The following PEX5L variants were observed in gnomAD, a reference collection of about 807,000 sequenced individuals.
PEX5L encodes PEX5-related protein.
A neutral mutation model predicts 84.0 loss-of-function variants in PEX5L; 30 were observed. That is an observed-to-expected ratio of 0.36 (90% confidence interval 0.27 to 0.48). The LOEUF is 0.48. PEX5L is among the 20% of genes least tolerant of loss of function. The pLI is 0.99. For missense variants in PEX5L, 533 were observed against 754.6 expected (o/e 0.71, Z 3.44); for synonymous variants, 270 against 283.1 (o/e 0.95, Z 0.46).
At chr3:179,970,150 A>G (rs1190844776) in intron 2 of PEX5L, among the ~76,000 whole-genome samples, 1 of 152,192 alleles carries the variant, frequency 6.6e-6, no homozygotes, top group Non-Finnish European at 1.5e-5. Context: ...ATAAGAAGAA[A>G]AAAAGAATTT....
rs1054696304 is a variant in PEX5L at position 179,859,048 on chromosome 3, T to G, written c.822+14A>C. On this transcript the variant is annotated intron_variant, in intron 8 of 14. Transcript: ENST00000467460. ...GAGCATGAAACAGAAAAAACTAATTTGAAGAAAAGTTACCTCCACTGCTGC... is the reference window on the plus strand; with the variant it reads ...GAGCATGAAACAGAAAAAACTAATTGGAAGAAAAGTTACCTCCACTGCTGC... 6 of 1,587,474 alleles carry G rather than the reference T, an allele frequency of 3.8e-6. No individual in the cohort carries two copies. The highest frequency in any genetic ancestry group is 4.5e-5 in the East Asian group (2 of 44,738).
intron 8 of PEX5L, among the ~76,000 whole-genome samples, chr3:179,821,758 A>G (rs754446322): frequency 6.6e-5 from 10 of 152,232 alleles, no homozygotes; most frequent in South Asian, 6.2e-4. Context: ...GGCTTTTTCT[A>G]GTAGAATAAC....
chr3:179,913,729 A>T (rs978752248), intron 2 of PEX5L, among the ~76,000 whole-genome samples: 4 of 152,178 alleles, frequency 2.6e-5, no homozygotes, highest in Admixed American at 6.5e-5. Flanking sequence ...TAAAACAAAA[A>T]CTATGTCACA....
At chr3:179,811,898 T>G (rs1416738295) in intron 10 of PEX5L, 27 bp from the exon 11 acceptor site, 16 of 1,577,156 alleles carry the variant, frequency 1.0e-5, no homozygotes, top group Non-Finnish European at 1.4e-5. Flanking sequence ...ATGTTAACAT[T>G]GCAAGATGAA....
chr3:179,940,333 GGT>G (rs142452498), intron 2 of PEX5L, among the ~76,000 whole-genome samples: 182 of 151,952 alleles, frequency 1.2e-3, no homozygotes, highest in Admixed American at 3.1e-3. Context: ...GAAAGAAAGA[GGT>G]GGTGAGAGAG....
At chr3:179,834,832 C>T (rs1049688986) in intron 8 of PEX5L, among the ~76,000 whole-genome samples, 9 of 152,134 alleles carry the variant, frequency 5.9e-5, no homozygotes, top group Non-Finnish European at 1.2e-4. Flanking sequence ...TAAGTTCTAA[C>T]ACCCAGAATT....
At chr3:179,866,135 G>C (rs1217746281) in intron 7 of PEX5L, among the ~76,000 whole-genome samples, 1 of 152,158 alleles carries the variant, frequency 6.6e-6, no homozygotes, top group African/African-American at 2.4e-5. Context: ...TAGGTAAAGA[G>C]AGAGAAGAAA....
intron 2 of PEX5L, among the ~76,000 whole-genome samples, chr3:179,967,056 T>C (rs1343177110): frequency 6.6e-6 from 1 of 152,214 alleles, no homozygotes; most frequent in Non-Finnish European, 1.5e-5. Context: ...AAGGAGTGTT[T>C]GTAGGGAAGT....
chr3:179,910,662 C>T (rs1243878565), intron 2 of PEX5L, among the ~76,000 whole-genome samples: 2 of 152,206 alleles, frequency 1.3e-5, no homozygotes, highest in Admixed American at 1.3e-4. Flanking sequence ...CAGACACAGC[C>T]TGACTCGTTT....
intron 2 of PEX5L, among the ~76,000 whole-genome samples, chr3:179,950,348 G>C (rs1285344365): frequency 6.6e-6 from 1 of 151,420 alleles, no homozygotes; most frequent in Non-Finnish European, 1.5e-5. Flanking sequence ...ATCACACACT[G>C]GGGACTGCTG....
chr3:179,815,585 A>C (rs1725760192), intron 10 of PEX5L, among the ~76,000 whole-genome samples: 1 of 152,328 alleles, frequency 6.6e-6, no homozygotes, highest in South Asian at 2.1e-4. Context: ...ACTTGTCTCA[A>C]AAAAAGAAAA....
At chr3:179,967,971 T>A (rs1161158612) in intron 2 of PEX5L, among the ~76,000 whole-genome samples, 1 of 152,146 alleles carries the variant, frequency 6.6e-6, no homozygotes, top group African/African-American at 2.4e-5. Flanking sequence ...CTGACCTGGA[T>A]ATACTTGTTC....
chr3:180,022,532 A>G (rs1249521983), intron 1 of PEX5L, among the ~76,000 whole-genome samples: 2 of 152,240 alleles, frequency 1.3e-5, no homozygotes, highest in Admixed American at 1.3e-4. Flanking sequence ...TTAAAGTAAT[A>G]CATGAAACAC....
chr3:179,893,418 T>C (rs1758217723), intron 3 of PEX5L, among the ~76,000 whole-genome samples: 1 of 152,202 alleles, frequency 6.6e-6, no homozygotes, highest in Admixed American at 6.5e-5. Context: ...TTTTGTTACT[T>C]AAACTACAGT....
At chr3:180,015,424 T>C (rs549025692) in intron 1 of PEX5L, among the ~76,000 whole-genome samples, 2 of 152,354 alleles carry the variant, frequency 1.3e-5, no homozygotes, top group East Asian at 1.9e-4. Context: ...TTAATTCTAA[T>C]GTCATGCTCT....
At chr3:180,000,373 G>T (rs1462186603) in intron 1 of PEX5L, among the ~76,000 whole-genome samples, 1 of 152,130 alleles carries the variant, frequency 6.6e-6, no homozygotes, top group Non-Finnish European at 1.5e-5. Context: ...ATCCATTAGG[G>T]TGTCTCTTAG....
chr3:179,837,474 G>A (rs911893527), intron 8 of PEX5L, among the ~76,000 whole-genome samples: 5 of 152,130 alleles, frequency 3.3e-5, no homozygotes, highest in African/African-American at 1.2e-4. Flanking sequence ...ACAATCAGTA[G>A]CTTCTGTGAA....
At chr3:179,803,896 G>T (rs1720103932) in intron 14 of PEX5L, among the ~76,000 whole-genome samples, 2 of 152,126 alleles carry the variant, frequency 1.3e-5, no homozygotes, top group South Asian at 4.1e-4. Flanking sequence ...CCCTCTTCTG[G>T]GTTTCTTGTA....
intron 2 of PEX5L, among the ~76,000 whole-genome samples, chr3:179,933,449 T>C (rs2109659657): frequency 6.6e-6 from 1 of 152,034 alleles, no homozygotes; most frequent in South Asian, 2.1e-4. Context: ...AATTCTCTTT[T>C]TTTTTTGAGA....
Sources: gnomAD v4.1 joint callset for allele counts (sites outside exome capture counted in the v4.1 genomes callset) on GRCh38, gnomAD v4.1.1 for gene constraint, MANE v1.5 for transcripts, NCBI Gene and HGNC (gene_info 2026-07-23, HGNC 2026-07-21) for gene names.